The following C4orf50 variants were observed in gnomAD, a reference collection of about 807,000 sequenced individuals.
The protein encoded by C4orf50 is uncharacterized protein C4orf50.
Under a neutral mutation model 77.2 loss-of-function variants are expected in C4orf50, and 80 were observed. The observed-to-expected ratio is 1.04, with a 90% CI of 0.87 to 1.25. The LOEUF (loss-of-function observed/expected upper bound fraction) is 1.25. Among genes scored for constraint, C4orf50 ranks in the 50% most tolerant of loss-of-function variants. The pLI, the probability that C4orf50 is intolerant of heterozygous loss-of-function variation, is 0.00. For synonymous variants in C4orf50, 532 were observed against 465.3 expected (o/e 1.14, Z -1.84); for missense variants, 1,257 against 1,152.9 (o/e 1.09, Z -1.31).
chr4:6,004,043 TG>T (rs1722029782), intron 25 of C4orf50, among the ~76,000 whole-genome samples: 1 of 42,100 alleles, frequency 2.4e-5, no homozygotes, highest in African/African-American at 9.8e-5. Flanking sequence ...GTGATGATGG[TG>T]ATGGTGATGA....
At chr4:5,982,137 G>A (rs1720625221) in intron 28 of C4orf50, among the ~76,000 whole-genome samples, 1 of 152,156 alleles carries the variant, frequency 6.6e-6, no homozygotes, top group Non-Finnish European at 1.5e-5. Flanking sequence ...TGCTCTGAAT[G>A]GTCCCGTAAA....
intron 32 of C4orf50, among the ~76,000 whole-genome samples, chr4:5,966,606 T>C (rs1316781211): frequency 6.6e-6 from 1 of 151,904 alleles, no homozygotes. Flanking sequence ...GATCCAGATG[T>C]GCACATCGAA....
chr4:5,990,758 C>G (rs969511544), exon 28 of C4orf50: 2 of 399,036 alleles, frequency 5.0e-6, no homozygotes, highest in African/African-American at 2.1e-5. Flanking sequence ...TCCAAGCACT[C>G]CTCTGGTGGG....
intron 7 of C4orf50, among the ~76,000 whole-genome samples, chr4:5,940,495 C>T (rs762675566): frequency 6.6e-6 from 1 of 152,282 alleles, no homozygotes; most frequent in South Asian, 2.1e-4. Context: ...GTGAAGTCCT[C>T]GCCTCAACAT....
rs150865806 is a variant in C4orf50 at position 5,926,508 on chromosome 4, G to A, written c.*2475-28320C>T. Among the ~76,000 whole-genome samples the A allele has an allele frequency of 4.7e-3, 719 of 152,288 alleles. 10 individuals carry two copies. The highest frequency in any genetic ancestry group is 0.016 in the African/African-American group (680 of 41,550). ...TGTTCCTTTTTAGGACGATGAAAACGTTCTGAAATTAGTGGTGATGGTGGC... is the reference window on the plus strand; with the variant it reads ...TGTTCCTTTTTAGGACGATGAAAACATTCTGAAATTAGTGGTGATGGTGGC... On this transcript the variant is annotated intron_variant, in intron 7 of 7. Transcript: ENST00000324058.
intron 7 of C4orf50, among the ~76,000 whole-genome samples, chr4:5,940,353 T>C (rs968631424): frequency 1.3e-5 from 2 of 152,258 alleles, no homozygotes; most frequent in Admixed American, 6.5e-5. Context: ...TTTCCTAGAA[T>C]TCTGCAATTC....
intron 7 of C4orf50, among the ~76,000 whole-genome samples, chr4:5,944,854 AGAGAG>A (rs1718415571): frequency 6.6e-6 from 1 of 152,174 alleles, no homozygotes. Flanking sequence ...AAGGGAGATC[AGAGAG>A]GAGAGGACTA....
At chr4:5,964,936 T>C (rs1719483228) in intron 33 of C4orf50, 88 bp downstream of exon 11, 1 of 1,314,330 alleles carries the variant, frequency 7.6e-7, no homozygotes, top group Non-Finnish European at 1.1e-6. Flanking sequence ...TGGGTGTATA[T>C]CGCTTGGATA....
At position 5,992,267 on chromosome 4, in the gene C4orf50, G is replaced by T. The variant is rs527948290; in HGVS notation, c.1221+536C>A. ...TATTTACAACCACACAACCACAGCC[G>T]GGCTCGCGGGTCCCAGCACAGCTCT... On this transcript the variant is annotated intron_variant, in intron 27 of 33. Coordinates refer to ENST00000531445, the Ensembl canonical transcript of C4orf50. This position sits in a 1 kb window ranked among gnomAD's most constrained non-coding sequence, Gnocchi z 5.0. Among the ~76,000 whole-genome samples, 1 of 152,208 alleles carries T rather than the reference G, an allele frequency of 6.6e-6. No homozygotes were observed. Among genetic ancestry groups the T allele is most frequent in the Non-Finnish European group, 1.5e-5 (1 of 68,036 alleles).
chr4:5,918,005 A>G (rs945723286), intron 7 of C4orf50, among the ~76,000 whole-genome samples: 3 of 152,166 alleles, frequency 2.0e-5, no homozygotes, highest in Non-Finnish European at 4.4e-5. Flanking sequence ...AAGAAAAATG[A>G]TTCTAGGGCC....
At chr4:6,005,526 G>A (rs959711436) in intron 25 of C4orf50, among the ~76,000 whole-genome samples, 12 of 152,156 alleles carry the variant, frequency 7.9e-5, no homozygotes, top group African/African-American at 1.9e-4. Flanking sequence ...CCAGGATCTC[G>A]AGGTCTGGGC....
chr4:5,971,925 C>G (rs1719947880), intron 31 of C4orf50, among the ~76,000 whole-genome samples: 1 of 152,114 alleles, frequency 6.6e-6, no homozygotes, highest in African/African-American at 2.4e-5. Flanking sequence ...GATGTCCCCA[C>G]AGCAGCCAGC....
chr4:5,967,591 A>G (rs976254478), intron 31 of C4orf50, 129 bp from the exon 10 acceptor site: 21 of 751,874 alleles, frequency 2.8e-5, no homozygotes, highest in Non-Finnish European at 4.5e-5. Context: ...GTGTAGGACC[A>G]ACCCTGCCTG....
rs540848230 is a variant in C4orf50, at chr4:5,897,967, G to C, written c.*2696C>G. On this transcript the variant is annotated 3_prime_UTR_variant, in exon 8 of 8. Coordinates refer to the C4orf50 transcript ENST00000324058. The stretch of plus-strand genomic sequence containing the variant: ...CTCACTCCGGGGAGGGGCAGGACTT[G>C]GCCTGCCAACATTCTCAGCCTTGAG... 5 of 152,372 alleles carry C rather than the reference G, an allele frequency of 3.3e-5. No homozygotes were observed. The South Asian group carries it at 8.3e-4, about 25-fold the overall frequency. 9.4% of individuals were successfully genotyped at this position (152,372 alleles called of 1,614,324 possible).
At chr4:5,991,844 C>T (rs1012595086) in intron 27 of C4orf50, among the ~76,000 whole-genome samples, 1 of 152,204 alleles carries the variant, frequency 6.6e-6, no homozygotes, top group African/African-American at 2.4e-5. Flanking sequence ...GCTGCCCCTG[C>T]CTGGAGGGGC....
chr4:6,003,967 T>C (rs1722013841), intron 25 of C4orf50, among the ~76,000 whole-genome samples: 1 of 129,400 alleles, frequency 7.7e-6, no homozygotes, highest in Non-Finnish European at 1.6e-5. Context: ...GGTGATGATG[T>C]GATGGCGATG....
intron 7 of C4orf50, among the ~76,000 whole-genome samples, chr4:5,906,645 C>T (rs556245046): frequency 6.6e-6 from 1 of 152,292 alleles, no homozygotes; most frequent in East Asian, 1.9e-4. Context: ...CCAGGCTTTG[C>T]TGCAATGCTA....
Position 6,000,481 on chromosome 4 carries a change from T to C in C4orf50, c.964-6005A>G, listed in dbSNP as rs1721786740. 1.3e-5 allele frequency among the ~76,000 whole-genome samples: 2 copies of C among 152,126 alleles called. No individual in the cohort carries two copies. The highest frequency in any genetic ancestry group is 2.9e-5 in the Non-Finnish European group (2 of 68,002). ...CTTTTTGACCTCAAGATGCTGTTTG[T>C]GGGCCATCAGCTTCCTTCTGAGAGA... On this transcript the variant is annotated intron_variant, in intron 25 of 33. Coordinates refer to ENST00000531445, the Ensembl canonical transcript of C4orf50. The surrounding 1 kb of genome is among the most constrained non-coding windows in gnomAD (Gnocchi z 6.0).
chr4:5,956,330 T>A (rs1718956264), downstream of C4orf50, among the ~76,000 whole-genome samples: 1 of 152,112 alleles, frequency 6.6e-6, no homozygotes, highest in African/African-American at 2.4e-5. Context: ...AGAGGGCACT[T>A]CCTCCAGGAA....
Sources: allele counts gnomAD v4.1 joint callset (sites outside exome capture counted in the v4.1 genomes callset), GRCh38; gene constraint gnomAD v4.1.1; non-coding constraint Gnocchi (gnomAD v3.1); transcripts MANE v1.5; gene names NCBI Gene and HGNC (gene_info 2026-07-23, HGNC 2026-07-21).